The following INA variants were observed in gnomAD, a reference collection of about 807,000 sequenced individuals.
The protein encoded by INA is alpha-internexin.
INA carries 35 observed loss-of-function variants against 40.1 expected under a neutral mutation model. The ratio of observed to expected loss-of-function variants is 0.87; its 90% CI spans 0.67 to 1.16. The LOEUF is 1.16. INA is among the 50% of genes most tolerant of loss of function. The pLI is 0.00. For missense variants in INA, 594 were observed against 686.7 expected, an observed-to-expected ratio of 0.87 and a Z score of 1.51; for synonymous variants, 290 against 316.9, an observed-to-expected ratio of 0.92 and a Z score of 0.90.
chr10:103,277,955 C>T lies in INA; in HGVS notation c.744C>T (p.Ala248=), dbSNP rs1436367621. The change falls in exon 1 of 3, where the codon GCC becomes GCT. Residue 248 remains alanine, a synonymous_variant. Coordinates refer to ENST00000369849, the MANE Select transcript of INA (RefSeq NM_032727.4). This position sits in a 1 kb window ranked among gnomAD's most constrained non-coding sequence, Gnocchi z 5.6. ...LLATLQASSQ[A]AAEVDVTVAK... ...CCACGCTGCAGGCGTCGTCGCAGGC[C>T]GCGGCCGAGGTGGACGTGACTGTGG... is the stretch of plus-strand genomic sequence containing the variant. 6.4e-7 allele frequency: 1 copy of T among 1,562,376 alleles called. No individual in the cohort carries two copies. The highest frequency in any genetic ancestry group is 1.2e-5 in the South Asian group (1 of 85,022).
At position 103,284,967 on chromosome 10, in the gene INA, A is replaced by ATATTTTATTT. The variant is rs137911103; in HGVS notation, c.1066-2046_1066-2037dup. Among the ~76,000 whole-genome samples, 200 of 150,978 alleles carry ATATTTTATTT rather than the reference A, an allele frequency of 1.3e-3. 2 individuals carry two copies. Among genetic ancestry groups the ATATTTTATTT allele is most frequent in the Middle Eastern group, 3.4e-3 (1 of 292 alleles). The stretch of plus-strand genomic sequence containing the variant: ...AAGACCTGTCTGAGGAGAGGACATT[A>ATATTTTATTT]TATTTTATTTTATTTTATTTTATTT... On this transcript the variant is annotated intron_variant, in intron 1 of 2. Coordinates refer to ENST00000369849, the MANE Select transcript of INA (RefSeq NM_032727.4).
intron 2 of INA, among the ~76,000 whole-genome samples, 159 bp from the exon 3 acceptor site, chr10:103,288,200 AC>A (rs2093091024): frequency 6.6e-6 from 1 of 152,120 alleles, no homozygotes; most frequent in Admixed American, 6.6e-5. Context: ...ACGTGGTCCA[AC>A]CCTTTGAGCT....
At chr10:103,280,804 C>T in intron 1 of INA, 1 of 985,464 alleles carries the variant, frequency 1.0e-6, no homozygotes, top group Non-Finnish European at 1.2e-6. Flanking sequence ...CTCCCCTCTG[C>T]ATAAAAAGCT....
rs534743107 is a variant in INA at position 103,288,308 on chromosome 10, G to T, written c.1191-52G>T. 14 of 1,472,580 alleles carry T rather than the reference G, an allele frequency of 9.5e-6. No individual in the cohort carries two copies. The East Asian group carries it at 2.7e-4, about 29-fold the overall frequency. The allele number at this position is 1,472,580 out of a possible 1,614,324, so 91.2% of individuals were successfully genotyped here. A position where few individuals can be genotyped will look rare whatever the true frequency, so the allele number is the denominator to read the frequency against. ...AATCAGGATTGGAGGGTTGAGTTCTGGGGGGGAAAAGTTATTGACTTCCTA... is the reference window on the plus strand; with the variant it reads ...AATCAGGATTGGAGGGTTGAGTTCTTGGGGGGAAAAGTTATTGACTTCCTA... On this transcript the variant is annotated intron_variant, in intron 2 of 2. Coordinates refer to ENST00000369849, the MANE Select transcript of INA (RefSeq NM_032727.4).
chr10:103,283,549 T>C (rs996020371), intron 1 of INA, among the ~76,000 whole-genome samples: 1 of 152,204 alleles, frequency 6.6e-6, no homozygotes, highest in Admixed American at 6.5e-5. Context: ...CTTTGCAGTA[T>C]TCCTGTCAAT....
chr10:103,277,974 A>C lies in INA; in HGVS notation c.763A>C (p.Thr255Pro). Residue 255 changes from threonine (T) to proline (P), a missense_variant, in exon 1 of 3, where the codon ACT becomes CCT. Physicochemically the swap from Thr to Pro is conservative, Grantham distance 38. Around this residue, in one of 2 missense-constraint regions of INA, gnomAD observed 379 missense variants for 496.1 expected, o/e 0.76. Transcript: ENST00000369849. This position sits in a 1 kb window ranked among gnomAD's most constrained non-coding sequence, Gnocchi z 5.6. ...GCAGGCCGCGGCCGAGGTGGACGTG[A>C]CTGTGGCTAAACCAGACCTGACCTC... ...SSQAAAEVDVTVAKPDLTSAL... is the reference protein window; with the variant it reads ...SSQAAAEVDVPVAKPDLTSAL... 1 of 1,580,342 alleles carries C rather than the reference A, an allele frequency of 6.3e-7. No individual in the cohort carries two copies. Among genetic ancestry groups the C allele is most frequent in the Non-Finnish European group, 8.6e-7 (1 of 1,164,210 alleles).
Position 103,277,696 on chromosome 10 carries a change from C to T in INA, c.485C>T (p.Ser162Leu). 7.3e-7 allele frequency: 1 copy of T among 1,372,778 alleles called. No homozygotes were observed. The highest frequency in any genetic ancestry group is 9.3e-7 in the Non-Finnish European group (1 of 1,073,852). The allele number at this position is 1,372,778 out of a possible 1,614,324, so 85.0% of individuals were successfully genotyped here. Residue 162 changes from serine to leucine, a missense_variant, in exon 1 of 3, where the codon TCG becomes TTG. Transcript: ENST00000369849. This position sits in a 1 kb window ranked among gnomAD's most constrained non-coding sequence, Gnocchi z 5.6. ...CTGGAGGAGGCCAGCTCGGCTCGCT[C>T]GCAGGCCCTGCTGGAGCGCGACGGG... ...AQLEEASSAR[S>L]QALLERDGLA...
At chr10:103,283,392 A>T (rs1275506941) in intron 1 of INA, among the ~76,000 whole-genome samples, 1 of 152,196 alleles carries the variant, frequency 6.6e-6, no homozygotes, top group Non-Finnish European at 1.5e-5. Context: ...AGGAACTATC[A>T]GGTAAAATTT....
At position 103,278,161 on chromosome 10, in the gene INA, G is replaced by A. The variant is rs1467654944; in HGVS notation, c.950G>A (p.Arg317His). 2 of 1,612,362 alleles carry A rather than the reference G, an allele frequency of 1.2e-6. No homozygotes were observed. Among genetic ancestry groups the A allele is most frequent in the Admixed American group, 1.7e-5 (1 of 59,898 alleles). Residue 317 changes from arginine to histidine, a missense_variant, in exon 1 of 3, where the codon CGC (arginine) becomes CAC (histidine). Around this residue, in one of 2 missense-constraint regions of INA, gnomAD observed 379 missense variants for 496.1 expected, o/e 0.76. Transcript: ENST00000369849. The surrounding 1 kb of genome is among the most constrained non-coding windows in gnomAD (Gnocchi z 4.9). ...CGCGAGGAGATCCACGAGTATCGGC[G>A]CCAGCTGCAGGCGCGCACCATCGAG... ...ASREEIHEYR[R>H]QLQARTIEIE...
intron 1 of INA, chr10:103,279,959 C>A: frequency 7.8e-7 from 1 of 1,289,408 alleles, no homozygotes; most frequent in East Asian, 5.6e-5. Context: ...CAAGTACGAG[C>A]TAGGTGGTCT....
chr10:103,277,776 C>G lies in INA; in HGVS notation c.565C>G (p.Arg189Gly). ...RARCEEESRG[R>G]EGAERALKAQ... ...GCGCTGCGAGGAGGAGAGCCGCGGA[C>G]GCGAAGGCGCCGAGCGCGCCCTGAA... Residue 189 changes from arginine (R) to glycine (G), a missense_variant, in exon 1 of 3, where the codon CGC becomes GGC. Coordinates refer to ENST00000369849, the MANE Select transcript of INA (RefSeq NM_032727.4). The surrounding 1 kb of genome is among the most constrained non-coding windows in gnomAD (Gnocchi z 5.6). The G allele has an allele frequency of 6.7e-7, 1 of 1,490,994 alleles. No homozygotes were observed. Among genetic ancestry groups the G allele is most frequent in the East Asian group, 2.6e-5 (1 of 38,304 alleles). 92.4% of individuals were successfully genotyped at this position (1,490,994 alleles called of 1,614,324 possible).
chr10:103,278,191 A>C lies in INA; in HGVS notation c.980A>C (p.Glu327Ala). 2 of 1,608,526 alleles carry C rather than the reference A, an allele frequency of 1.2e-6. No homozygotes were observed. The highest frequency in any genetic ancestry group is 1.7e-6 in the Non-Finnish European group (2 of 1,178,070). ...CTGCAGGCGCGCACCATCGAGATCG[A>C]GGGCCTGCGCGGGGCCAACGAGTCC... ...RQLQARTIEI[E>A]GLRGANESLE... Residue 327 changes from glutamate to alanine, a missense_variant, in exon 1 of 3, where the codon GAG becomes GCG. Coordinates refer to ENST00000369849, the MANE Select transcript of INA (RefSeq NM_032727.4). The surrounding 1 kb of genome is among the most constrained non-coding windows in gnomAD (Gnocchi z 4.9).
At chr10:103,279,850 C>T (rs1423589093) in intron 1 of INA, 1 of 902,168 alleles carries the variant, frequency 1.1e-6, no homozygotes, top group African/African-American at 1.7e-5. Flanking sequence ...GCCTCAAAAT[C>T]CATAACTTGA....
rs759058086 is a variant in INA, at chr10:103,278,130, G to C, written c.919G>C (p.Ala307Pro). 1.2e-6 allele frequency: 2 copies of C among 1,612,954 alleles called. No individual in the cohort carries two copies. Among genetic ancestry groups the C allele is most frequent in the South Asian group, 1.1e-5 (1 of 91,070 alleles). The change falls in exon 1 of 3, where the codon GCC becomes CCC. Residue 307 changes from alanine to proline, a missense_variant. Physicochemically the swap from Ala to Pro is conservative, Grantham distance 27 (BLOSUM62 -1). This residue lies in a region of INA where 379 missense variants were observed against 496.1 expected (regional missense o/e 0.76). Transcript: ENST00000369849. This position sits in a 1 kb window ranked among gnomAD's most constrained non-coding sequence, Gnocchi z 4.9. ...QAARSTEAIR[A>P]SREEIHEYRR... ...GGCGCGCAGCACCGAGGCCATCCGG[G>C]CCAGCCGCGAGGAGATCCACGAGTA...
chr10:103,283,853 T>A (rs1181283351), intron 1 of INA, among the ~76,000 whole-genome samples: 3 of 148,912 alleles, frequency 2.0e-5, no homozygotes, highest in Non-Finnish European at 3.0e-5. Context: ...CAGGTTCAAG[T>A]GATTCTCCTA....
chr10:103,277,934 G>T lies in INA; in HGVS notation c.723G>T (p.Thr241=), dbSNP rs1416277303. The T allele has an allele frequency of 1.3e-6, 2 of 1,554,228 alleles. No homozygotes were observed. Among genetic ancestry groups the T allele is most frequent in the East Asian group, 4.9e-5 (2 of 41,140 alleles). The change falls in exon 1 of 3, where the codon ACG becomes ACT. Residue 241 remains threonine (T), a synonymous_variant. Transcript: ENST00000369849. The surrounding 1 kb of genome is among the most constrained non-coding windows in gnomAD (Gnocchi z 5.6). ...HDEEVAELLA[T]LQASSQAAAE... ...AGGAGGTAGCCGAGCTGCTGGCCAC[G>T]CTGCAGGCGTCGTCGCAGGCCGCGG...
chr10:103,288,263 T>G (rs1276435913), intron 2 of INA, 97 bp from the exon 3 acceptor site: 9 of 1,127,868 alleles, frequency 8.0e-6, no homozygotes, highest in Non-Finnish European at 1.1e-5. Context: ...TCCAAAGTCC[T>G]TTGGAATCTC....
At position 103,288,714 on chromosome 10, in the gene INA, C is replaced by G; in HGVS notation, c.*45C>G. ...TTAATGCTTAAGAGGGAATGATATG[C>G]ATTTGACTTGTTAAACAGCCTATTC... On this transcript the variant is annotated 3_prime_UTR_variant, in exon 3 of 3. Transcript: ENST00000369849. 1 of 1,288,612 alleles carries G rather than the reference C, an allele frequency of 7.8e-7. No homozygotes were observed. Among genetic ancestry groups the G allele is most frequent in the Non-Finnish European group, 1.1e-6 (1 of 929,606 alleles). 79.8% of individuals were successfully genotyped at this position (1,288,612 alleles called of 1,614,324 possible).
In INA at chr10:103,288,340, T is replaced by C. The variant is rs2093091476; in HGVS notation, c.1191-20T>C. On this transcript the variant is annotated intron_variant, in intron 2 of 2. Coordinates refer to ENST00000369849, the MANE Select transcript of INA (RefSeq NM_032727.4). Reference sequence around the variant, plus strand: ...AAAAGTTATTGACTTCCTAAGAGTTTTTCTCTGTTGAATTTACAGGAAACT... The same window carrying C: ...AAAAGTTATTGACTTCCTAAGAGTTCTTCTCTGTTGAATTTACAGGAAACT... 1.3e-6 allele frequency: 2 copies of C among 1,574,994 alleles called. No individual in the cohort carries two copies. Among genetic ancestry groups the C allele is most frequent in the Non-Finnish European group, 1.7e-6 (2 of 1,164,554 alleles).
Sources: gnomAD v4.1 joint callset for allele counts (sites outside exome capture counted in the v4.1 genomes callset) on GRCh38, gnomAD v4.1.1 for gene constraint, gnomAD v4.1.1 regional missense constraint, Gnocchi (gnomAD v3.1) non-coding constraint, MANE v1.5 for transcripts, NCBI Gene and HGNC (gene_info 2026-07-23, HGNC 2026-07-21) for gene names.